The following RIN3 variants were observed in gnomAD, a reference collection of about 807,000 sequenced individuals.
RIN3 encodes Ras and Rab interactor 3.
A neutral mutation model predicts 76.3 loss-of-function variants in RIN3; 54 were observed. The ratio of observed to expected loss-of-function variants is 0.71; its 90% CI spans 0.57 to 0.89. The LOEUF (loss-of-function observed/expected upper bound fraction) is 0.89, where lower values mean the gene tolerates loss of function less well. RIN3 is among the 40% of genes least tolerant of loss of function. The pLI, the probability that RIN3 is intolerant of heterozygous loss-of-function variation, is 0.00. For missense variants in RIN3, 1,256 were observed against 1,322.1 expected, an observed-to-expected ratio of 0.95 and a Z score of 0.78; for synonymous variants, 576 against 564.0, an observed-to-expected ratio of 1.02 and a Z score of -0.30.
intron 2 of RIN3, among the ~76,000 whole-genome samples, chr14:92,577,068 C>T (rs1898264993): frequency 6.6e-6 from 1 of 152,124 alleles, no homozygotes; most frequent in Non-Finnish European, 1.5e-5. Flanking sequence ...ATTTTAAGAC[C>T]TCCCCCCACC....
intron 3 of RIN3, among the ~76,000 whole-genome samples, chr14:92,588,727 C>A (rs1363614370): frequency 6.6e-6 from 1 of 152,172 alleles, no homozygotes; most frequent in Non-Finnish European, 1.5e-5. Flanking sequence ...TCTGGGCAAT[C>A]ACCTTTCTTT....
chr14:92,608,019 G>A lies in RIN3; in HGVS notation c.368-7388G>A, dbSNP rs191467980. 2.0e-5 allele frequency among the ~76,000 whole-genome samples: 3 copies of A among 152,314 alleles called. 1 individual carries two copies. The highest frequency in any genetic ancestry group is 7.2e-5 in the African/African-American group (3 of 41,564). ...AGTTGTCAGGGCTAGTGATGGGGAG[G>A]GGGTAGATGTGGCTATGAAGGGATA... is the stretch of plus-strand genomic sequence containing the variant. On this transcript the variant is annotated intron_variant, in intron 3 of 9. Coordinates refer to ENST00000216487, the MANE Select transcript of RIN3 (RefSeq NM_024832.5).
intron 4 of RIN3, among the ~76,000 whole-genome samples, chr14:92,627,260 A>G (rs1343734008): frequency 6.6e-6 from 1 of 152,162 alleles, no homozygotes; most frequent in Non-Finnish European, 1.5e-5. Context: ...CTAGAGGCTC[A>G]ACCCCCATTA....
intron 5 of RIN3, among the ~76,000 whole-genome samples, chr14:92,642,331 A>T (rs983522459): frequency 6.6e-6 from 1 of 152,026 alleles, no homozygotes; most frequent in Admixed American, 6.5e-5. Flanking sequence ...TCCTGGCCTC[A>T]AGCGATCCTC....
At chr14:92,537,939 T>C (rs1404539049) in intron 1 of RIN3, among the ~76,000 whole-genome samples, 1 of 151,942 alleles carries the variant, frequency 6.6e-6, no homozygotes, top group Non-Finnish European at 1.5e-5. Flanking sequence ...TGGGTTCAAG[T>C]GATTCCTCTG....
intron 7 of RIN3, among the ~76,000 whole-genome samples, chr14:92,662,154 A>G (rs1310869096): frequency 6.6e-6 from 1 of 152,240 alleles, no homozygotes; most frequent in Non-Finnish European, 1.5e-5. Flanking sequence ...AGACCCCCTC[A>G]TGGCCTGGCA....
intron 1 of RIN3, among the ~76,000 whole-genome samples, chr14:92,537,768 C>A (rs1024688955): frequency 3.3e-5 from 5 of 151,346 alleles, no homozygotes; most frequent in East Asian, 3.9e-4. Context: ...TCTCCTGCCT[C>A]AGCCTCCTGG....
chr14:92,571,679 T>A (rs906403944), intron 2 of RIN3, among the ~76,000 whole-genome samples: 4 of 152,226 alleles, frequency 2.6e-5, no homozygotes, highest in African/African-American at 9.6e-5. Flanking sequence ...GCAACTGCAC[T>A]TCTGTCCAAT....
Position 92,514,145 on chromosome 14 carries a change from C to A in RIN3, c.44+169C>A, listed in dbSNP as rs574682077. Among the ~76,000 whole-genome samples, 1 of 152,224 alleles carries A rather than the reference C, an allele frequency of 6.6e-6. No individual in the cohort carries two copies. The highest frequency in any genetic ancestry group is 6.5e-5 in the Admixed American group (1 of 15,290). ...GAGGCCAGAACCTGGTTCTGCGGGG[C>A]AGGGGGCGGCCCTGGTGACTCCGCT... On this transcript the variant is annotated intron_variant, in intron 1 of 9. Coordinates refer to ENST00000216487, the MANE Select transcript of RIN3 (RefSeq NM_024832.5). The surrounding 1 kb of genome is among the most constrained non-coding windows in gnomAD (Gnocchi z 7.2).
At chr14:92,532,990 C>T (rs941275212) in intron 1 of RIN3, among the ~76,000 whole-genome samples, 8 of 152,122 alleles carry the variant, frequency 5.3e-5, no homozygotes, top group East Asian at 1.9e-4. Flanking sequence ...GAGGAGGGGC[C>T]GGCAAACACT....
chr14:92,559,915 G>A (rs915589096), intron 2 of RIN3, among the ~76,000 whole-genome samples: 2 of 152,244 alleles, frequency 1.3e-5, no homozygotes, highest in African/African-American at 2.4e-5. Context: ...ACCATTGACT[G>A]ATTCGGGTCT....
chr14:92,654,930 G>A (rs915794292), intron 6 of RIN3, among the ~76,000 whole-genome samples: 1 of 152,224 alleles, frequency 6.6e-6, no homozygotes, highest in East Asian at 1.9e-4. Context: ...CAGCACGTTG[G>A]GGGGCAGGTG....
chr14:92,603,588 C>A (rs1023957574), intron 3 of RIN3, among the ~76,000 whole-genome samples: 5 of 152,206 alleles, frequency 3.3e-5, no homozygotes, highest in African/African-American at 1.2e-4. Context: ...TCTGTGCTGT[C>A]CAGCTTTGGG....
chr14:92,642,081 A>AT (rs760451219), intron 5 of RIN3, among the ~76,000 whole-genome samples: 8 of 149,956 alleles, frequency 5.3e-5, no homozygotes, highest in Non-Finnish European at 8.9e-5. Context: ...GGAGCAGAGA[A>AT]TTTTTTTTTT....
intron 3 of RIN3, among the ~76,000 whole-genome samples, chr14:92,588,760 C>T (rs145866186): frequency 6.6e-6 from 1 of 152,290 alleles, no homozygotes; most frequent in East Asian, 1.9e-4. Flanking sequence ...GCCTCCCTCT[C>T]CCACCCTCCC....
Position 92,568,077 on chromosome 14 carries a change from T to C in RIN3, c.250-9283T>C, listed in dbSNP as rs574079408. On this transcript the variant is annotated intron_variant, in intron 2 of 9. Transcript: ENST00000216487. The surrounding 1 kb of genome is among the most constrained non-coding windows in gnomAD (Gnocchi z 4.2). ...GAAGTAAAAGTAACTTGCCCACGGC[T>C]GGTGAGGGGCAGAGGTAGTATTTGT... 3.3e-5 allele frequency among the ~76,000 whole-genome samples: 5 copies of C among 152,228 alleles called. No individual in the cohort carries two copies. In the East Asian group the frequency reaches 9.6e-4, roughly 29 times the overall value.
At chr14:92,524,323 C>T (rs1217793103) in intron 1 of RIN3, among the ~76,000 whole-genome samples, 4 of 152,180 alleles carry the variant, frequency 2.6e-5, no homozygotes, top group Admixed American at 6.5e-5. Flanking sequence ...TCTCTTGGGC[C>T]GTATCTTGGC....
intron 1 of RIN3, chr14:92,515,634 C>G (rs1896420097): frequency 8.6e-6 from 2 of 233,060 alleles, no homozygotes; most frequent in Non-Finnish European, 8.3e-6. Flanking sequence ...CCTCCATTTG[C>G]CAAATGTGTA....
At chr14:92,671,663 C>T (rs1351013739) in intron 7 of RIN3, among the ~76,000 whole-genome samples, 3 of 152,192 alleles carry the variant, frequency 2.0e-5, no homozygotes, top group African/African-American at 7.2e-5. Context: ...GGCCCCCTCC[C>T]TTCCTGCCCC....
Sources: allele counts gnomAD v4.1 joint callset (sites outside exome capture counted in the v4.1 genomes callset), GRCh38; gene constraint gnomAD v4.1.1; non-coding constraint Gnocchi (gnomAD v3.1); transcripts MANE v1.5; gene names NCBI Gene and HGNC (gene_info 2026-07-23, HGNC 2026-07-21).